The following IL1RAPL2 variants were observed in gnomAD, a reference collection of about 807,000 sequenced individuals.
The protein encoded by IL1RAPL2 is X-linked interleukin-1 receptor accessory protein-like 2.
In IL1RAPL2, 3 loss-of-function variants were observed where a neutral mutation model predicts 44.1. That is an observed-to-expected ratio of 0.07 (90% CI 0.03 to 0.18). IL1RAPL2 has a LOEUF of 0.18. IL1RAPL2 is among the 10% of genes least tolerant of loss of function. The pLI is 1.00. For missense variants in IL1RAPL2, 391 were observed against 496.4 expected, an observed-to-expected ratio of 0.79 and a Z score of 2.02; for synonymous variants, 181 against 178.8, an observed-to-expected ratio of 1.01 and a Z score of -0.10.
chrX:104,831,835 G>C (rs995039751), intron 2 of IL1RAPL2, among the ~76,000 whole-genome samples: 11 of 111,063 alleles, frequency 9.9e-5, no homozygotes, highest in Non-Finnish European at 2.1e-4. Flanking sequence ...ATCACTCTGA[G>C]ACTGTTCCTA....
intron 3 of IL1RAPL2, among the ~76,000 whole-genome samples, chrX:105,204,123 C>G (rs1556149132): frequency 9.1e-6 from 1 of 110,068 alleles, no homozygotes; most frequent in African/African-American, 3.3e-5. Context: ...CAAAGTGAAG[C>G]AGGAAAATCA....
chrX:105,376,263 A>T (rs1479337748), intron 5 of IL1RAPL2, among the ~76,000 whole-genome samples: 1 of 112,186 alleles, frequency 8.9e-6, no homozygotes, highest in Non-Finnish European at 1.9e-5. Flanking sequence ...TGAACCATTG[A>T]CAAGGCATTC....
chrX:104,840,675 C>CT (rs776355978), intron 2 of IL1RAPL2, among the ~76,000 whole-genome samples: 1,858 of 94,795 alleles, frequency 0.02, 21 homozygotes, highest in African/African-American at 0.031. Context: ...AAGTCTCTCA[C>CT]TTTTTTTTTT....
intron 6 of IL1RAPL2, among the ~76,000 whole-genome samples, chrX:105,692,059 T>C (rs1051823156): frequency 1.8e-5 from 2 of 112,013 alleles, no homozygotes; most frequent in African/African-American, 6.5e-5. Context: ...TATTTTATAA[T>C]GAGTTTTATT....
At chrX:104,765,232 A>G (rs934745678) in intron 2 of IL1RAPL2, among the ~76,000 whole-genome samples, 3 of 111,177 alleles carry the variant, frequency 2.7e-5, no homozygotes, top group Middle Eastern at 4.6e-3. Context: ...TATGGATTCA[A>G]TCTTGTTACT....
At chrX:105,173,191 C>T (rs1303102467) in intron 2 of IL1RAPL2, among the ~76,000 whole-genome samples, 1 of 111,289 alleles carries the variant, frequency 9.0e-6, no homozygotes, top group Non-Finnish European at 1.9e-5. Flanking sequence ...AAATATTATT[C>T]ACCCCTCTGG....
At chrX:104,596,899 G>A (rs1928774633) in intron 1 of IL1RAPL2, among the ~76,000 whole-genome samples, 1 of 111,381 alleles carries the variant, frequency 9.0e-6, no homozygotes, top group African/African-American at 3.3e-5. Flanking sequence ...CATACAGTGG[G>A]TGAGTGAGAG....
intron 2 of IL1RAPL2, among the ~76,000 whole-genome samples, chrX:104,699,365 T>C (rs1005656426): frequency 2.7e-5 from 3 of 111,670 alleles, no homozygotes; most frequent in Admixed American, 1.9e-4. Flanking sequence ...TAACACATCA[T>C]CAGGTATTAG....
intron 2 of IL1RAPL2, among the ~76,000 whole-genome samples, chrX:104,876,807 C>A (rs1922914338): frequency 9.3e-6 from 1 of 107,375 alleles, no homozygotes; most frequent in Admixed American, 1.0e-4. Context: ...TATACATGTG[C>A]CATGCTGGTG....
At chrX:105,012,639 TCTCTCTCACACACACA>T (rs2031076404) in intron 2 of IL1RAPL2, among the ~76,000 whole-genome samples, 1 of 63,553 alleles carries the variant, frequency 1.6e-5, no homozygotes, top group African/African-American at 6.9e-5. Context: ...TCTCTCTCTC[TCTCTCTCACACACACA>T]CACACACACA....
intron 3 of IL1RAPL2, chrX:105,219,352 G>A (rs782440581): frequency 9.9e-6 from 12 of 1,209,225 alleles, no homozygotes; most frequent in East Asian, 5.9e-5. Flanking sequence ...CCAGGGGTTC[G>A]TGGTTCCAGA....
chrX:105,552,970 A>T (rs923637765), intron 6 of IL1RAPL2, among the ~76,000 whole-genome samples: 1 of 112,067 alleles, frequency 8.9e-6, no homozygotes, highest in Non-Finnish European at 1.9e-5. Context: ...TATTATCATA[A>T]TGCTTTGATA....
At chrX:105,493,934 G>A (rs891244396) in intron 6 of IL1RAPL2, among the ~76,000 whole-genome samples, 1 of 111,866 alleles carries the variant, frequency 8.9e-6, no homozygotes, top group Non-Finnish European at 1.9e-5. Context: ...CAGTACATAT[G>A]CCTGAAAACT....
intron 6 of IL1RAPL2, among the ~76,000 whole-genome samples, chrX:105,624,713 C>T (rs1177691105): frequency 9.0e-6 from 1 of 111,388 alleles, no homozygotes; most frequent in Non-Finnish European, 1.9e-5. Flanking sequence ...AACATCAAGC[C>T]TCAAAGTTGA....
intron 2 of IL1RAPL2, among the ~76,000 whole-genome samples, chrX:104,848,956 A>T (rs1922142809): frequency 9.0e-6 from 1 of 111,287 alleles, no homozygotes; most frequent in South Asian, 3.8e-4. Context: ...TAGATTTTTC[A>T]ATTATATGAA....
rs782029398 is a variant in IL1RAPL2 at position 105,218,594 on chromosome X, G to A, written c.357-15224G>A. ...CCAGACACTAGGGCAGGGAGAGAGC[G>A]AGCGAGACATACACAAATAAAAGCT... On this transcript the variant is annotated intron_variant, in intron 3 of 10. Coordinates refer to ENST00000372582, the MANE Select transcript of IL1RAPL2 (RefSeq NM_017416.2). 8.6e-4 allele frequency among the ~76,000 whole-genome samples: 95 copies of A among 110,685 alleles called. 1 individual carries two copies. The highest frequency in any genetic ancestry group is 3.0e-3 in the African/African-American group (90 of 30,359).
At position 104,802,119 on chromosome X, in the gene IL1RAPL2, C is replaced by T. The variant is rs563120444; in HGVS notation, c.82+143124C>T. 1.4e-3 allele frequency among the ~76,000 whole-genome samples: 157 copies of T among 110,611 alleles called. 1 individual carries two copies. Among genetic ancestry groups the T allele is most frequent in the African/African-American group, 4.8e-3 (145 of 30,451 alleles). On this transcript the variant is annotated intron_variant, in intron 2 of 10. Transcript: ENST00000372582. ...CAGCACTTTGGGAGGCTGAGGCAGG[C>T]GGATCACCTGAGGTCAGGAGTTCGA...
At chrX:104,944,574 G>A (rs1342419042) in intron 2 of IL1RAPL2, among the ~76,000 whole-genome samples, 1 of 111,570 alleles carries the variant, frequency 9.0e-6, no homozygotes, top group Non-Finnish European at 1.9e-5. Context: ...AGTCTCATTA[G>A]TCTAAATTTT....
intron 2 of IL1RAPL2, among the ~76,000 whole-genome samples, chrX:104,912,005 A>G (rs750999758): frequency 9.0e-6 from 1 of 110,889 alleles, no homozygotes; most frequent in Admixed American, 9.7e-5. Context: ...TCTTCTTCCT[A>G]CCTTTTACTC....
Sources: gnomAD v4.1 joint callset for allele counts (sites outside exome capture counted in the v4.1 genomes callset) on GRCh38, gnomAD v4.1.1 for gene constraint, MANE v1.5 for transcripts, NCBI Gene and HGNC (gene_info 2026-07-23, HGNC 2026-07-21) for gene names.